Variants in CEMIP observed in about 807,000 individuals in gnomAD.
CEMIP encodes the protein cell migration-inducing and hyaluronan-binding protein.
Under a neutral mutation model 156.9 loss-of-function variants are expected in CEMIP, and 105 were observed. The observed-to-expected ratio is 0.67, with a 90% CI of 0.57 to 0.79. The LOEUF (loss-of-function observed/expected upper bound fraction) is 0.79, where lower values mean the gene tolerates loss of function less well. CEMIP is among the 30% of genes least tolerant of loss of function. CEMIP has a pLI of 0.00. For missense variants in CEMIP, 1,457 were observed against 1,769.4 expected (o/e 0.82, Z 3.17); for synonymous variants, 676 against 668.4 (o/e 1.01, Z -0.17).
At position 80,851,887 on chromosome 15, in the gene CEMIP, T is replaced by C. The variant is rs1391127846; in HGVS notation, c.-175-21651T>C. ...CAAGATTTGCCTTTGAGAAAGACTA[T>C]CCTGGCAGCAGTGTAGGCGATGGAC... On this transcript the variant is annotated intron_variant, in intron 1 of 29. Transcript: ENST00000394685. Among the ~76,000 whole-genome samples, 8 of 152,166 alleles carry C rather than the reference T, an allele frequency of 5.3e-5. No homozygotes were observed. In the East Asian group the frequency reaches 1.5e-3, roughly 29 times the overall value.
At chr15:80,781,002 G>C (rs557003098) in intron 1 of CEMIP, among the ~76,000 whole-genome samples, 15 of 152,194 alleles carry the variant, frequency 9.9e-5, no homozygotes, top group Admixed American at 9.2e-4. Context: ...CAGTTCTGCA[G>C]GACCTCCCGG....
At chr15:80,922,579 C>T (rs1391344632) in intron 17 of CEMIP, among the ~76,000 whole-genome samples, 6 of 152,226 alleles carry the variant, frequency 3.9e-5, no homozygotes, top group Non-Finnish European at 8.8e-5. Flanking sequence ...TTGGCATCCT[C>T]TCTGCTGTTC....
chr15:80,781,551 T>G (rs2141551959), intron 1 of CEMIP, among the ~76,000 whole-genome samples: 2 of 152,342 alleles, frequency 1.3e-5, no homozygotes, highest in Middle Eastern at 6.8e-3. Flanking sequence ...CCACCCATAC[T>G]GAAGTGTGTA....
At chr15:80,803,255 A>G (rs1355754614) in intron 1 of CEMIP, among the ~76,000 whole-genome samples, 6 of 152,138 alleles carry the variant, frequency 3.9e-5, no homozygotes, top group African/African-American at 9.7e-5. Flanking sequence ...CTGTCCCCTC[A>G]TATACAAGGA....
intron 12 of CEMIP, among the ~76,000 whole-genome samples, chr15:80,901,542 A>G (rs1450098500): frequency 6.6e-6 from 1 of 152,060 alleles, no homozygotes; most frequent in African/African-American, 2.4e-5. Flanking sequence ...TCTCTACTAA[A>G]AATACAAAAA....
chr15:80,849,433 C>G lies in CEMIP; in HGVS notation c.-175-24105C>G, dbSNP rs565871957. Among the ~76,000 whole-genome samples the G allele has an allele frequency of 3.9e-5, 6 of 152,296 alleles. No individual in the cohort carries two copies. The South Asian group carries it at 1.2e-3, about 32-fold the overall frequency. ...AGCTGGGAAATCTGCTCACCATTGC[C>G]TTGGCGAGGAGCCTACTCTCTACTC... On this transcript the variant is annotated intron_variant, in intron 1 of 29. Transcript: ENST00000394685.
At position 80,944,398 on chromosome 15, in the gene CEMIP, T is replaced by C. The variant is rs114144531; in HGVS notation, c.3857+1296T>C. Among the ~76,000 whole-genome samples, 527 of 152,346 alleles carry C rather than the reference T, an allele frequency of 3.5e-3. 3 individuals carry two copies. The highest frequency in any genetic ancestry group is 0.012 in the African/African-American group (498 of 41,578). Reference sequence around the variant, plus strand: ...TCTCAATGTTGGGGCCATGTCTAACTTCCCTTTGCATTTCTAGCACAGAAC... The same window carrying C: ...TCTCAATGTTGGGGCCATGTCTAACCTCCCTTTGCATTTCTAGCACAGAAC... On this transcript the variant is annotated intron_variant, in intron 28 of 29. Transcript: ENST00000394685.
At chr15:80,928,837 C>T (rs778376559) in intron 19 of CEMIP, 65 bp from the exon 20 acceptor site, 71 of 1,602,184 alleles carry the variant, frequency 4.4e-5, no homozygotes, top group Non-Finnish European at 5.8e-5. Flanking sequence ...GTGTCCTTCT[C>T]TCCACGACTC....
intron 18 of CEMIP, among the ~76,000 whole-genome samples, chr15:80,925,222 G>A (rs928187446): frequency 4.6e-5 from 7 of 152,214 alleles, no homozygotes; most frequent in Non-Finnish European, 7.3e-5. Context: ...AGTGCACTCC[G>A]TTTTGTAGCT....
At chr15:80,812,447 G>A (rs1049020237) in intron 1 of CEMIP, among the ~76,000 whole-genome samples, 1 of 152,240 alleles carries the variant, frequency 6.6e-6, no homozygotes, top group South Asian at 2.1e-4. Context: ...TAGCTCCACC[G>A]TTAGTCATTT....
chr15:80,904,261 C>T (rs1011285018), intron 12 of CEMIP, among the ~76,000 whole-genome samples: 2 of 152,150 alleles, frequency 1.3e-5, no homozygotes, highest in African/African-American at 4.8e-5. Context: ...TGTGGTGGCA[C>T]CCACCTGTAG....
At position 80,937,806 on chromosome 15, in the gene CEMIP, C is replaced by G. The variant is rs540849107; in HGVS notation, c.3234C>G (p.Ile1078Met). Residue 1078 changes from isoleucine (I) to methionine (M), a missense_variant, in exon 25 of 30, where the codon ATC (isoleucine) becomes ATG (methionine). By Grantham distance (10) the Ile-to-Met change is conservative. Transcript: ENST00000394685. ...CTTCCAATCCTAGGGGCGACTGGAT[C>G]CGAGTGGGGCTCTGCTACCCGCGAG... ...WLINFNKGDW[I>M]RVGLCYPRGT... 2.3e-5 allele frequency: 37 copies of G among 1,614,126 alleles called. No homozygotes were observed. Among genetic ancestry groups the G allele is most frequent in the Non-Finnish European group, 2.9e-5 (34 of 1,180,048 alleles).
chr15:80,925,518 T>G, intron 18 of CEMIP, 106 bp from the exon 19 acceptor site: 1 of 1,497,944 alleles, frequency 6.7e-7, no homozygotes, highest in Non-Finnish European at 9.1e-7. Flanking sequence ...AGTCAATGCC[T>G]TCCTGGGCAC....
chr15:80,848,823 G>T (rs1897629470), intron 1 of CEMIP, among the ~76,000 whole-genome samples: 1 of 150,676 alleles, frequency 6.6e-6, no homozygotes, highest in Non-Finnish European at 1.5e-5. Context: ...CACTCCAGAT[G>T]AATCTTTTCT....
rs754784643 is a variant in CEMIP, at chr15:80,881,087, A to G, written c.568A>G (p.Ile190Val). 3.7e-6 allele frequency: 6 copies of G among 1,614,192 alleles called. No individual in the cohort carries two copies. The highest frequency in any genetic ancestry group is 5.1e-6 in the Non-Finnish European group (6 of 1,180,032). The part of the protein sequence containing the change: ...FERSWGHRGV[I>V]VHVIDPKSGT... ...AAGGAGCTGGGGCCACCGTGGAGTT[A>G]TTGTTCATGTCATCGACCCCAAATC... The change falls in exon 6 of 30, where the codon ATT (isoleucine) becomes GTT (valine). Residue 190 changes from isoleucine (I) to valine (V), a missense_variant. By Grantham distance (29) the Ile-to-Val change is conservative. This residue lies in a region of CEMIP where 309 missense variants were observed against 340.8 expected (regional missense o/e 0.91). Transcript: ENST00000394685.
At chr15:80,922,440 G>A (rs941617701) in intron 17 of CEMIP, among the ~76,000 whole-genome samples, 2 of 152,244 alleles carry the variant, frequency 1.3e-5, no homozygotes, top group African/African-American at 4.8e-5. Flanking sequence ...TGGCCCCTGA[G>A]CTGGGCACCT....
At chr15:80,929,282 T>G (rs766169399) in intron 21 of CEMIP, 108 bp downstream of exon 21, 286 of 1,347,828 alleles carry the variant, frequency 2.1e-4, no homozygotes, top group Admixed American at 4.0e-4. Context: ...TATGAATTCT[T>G]CTACCAGCCA....
chr15:80,797,344 G>T (rs1047750945), intron 1 of CEMIP, among the ~76,000 whole-genome samples: 2 of 152,204 alleles, frequency 1.3e-5, no homozygotes, highest in African/African-American at 4.8e-5. Context: ...GTGTCCCGGT[G>T]CTTTGCCAGG....
rs147333760 is a variant in CEMIP at position 80,937,892 on chromosome 15, C to T, written c.3320C>T (p.Thr1107Met). ...HNRLLKQTSK[T>M]GVFVRTLQMD... Reference sequence around the variant, plus strand: ...CGCCTGCTGAAGCAAACGTCCAAGACGGGCGTCTTCGTGAGGACCTTGCAG... The same window carrying T: ...CGCCTGCTGAAGCAAACGTCCAAGATGGGCGTCTTCGTGAGGACCTTGCAG... Residue 1107 changes from threonine to methionine, a missense_variant, in exon 25 of 30, where the codon ACG becomes ATG. Thr to Met is a moderately conservative substitution (Grantham distance 81). Transcript: ENST00000394685. 256 of 1,614,204 alleles carry T rather than the reference C, an allele frequency of 1.6e-4. No homozygotes were observed. Among genetic ancestry groups the T allele is most frequent in the Non-Finnish European group, 2.0e-4 (238 of 1,180,022 alleles).
Sources: gnomAD v4.1 joint callset for allele counts (sites outside exome capture counted in the v4.1 genomes callset) on GRCh38, gnomAD v4.1.1 for gene constraint, gnomAD v4.1.1 regional missense constraint, MANE v1.5 for transcripts, NCBI Gene and HGNC (gene_info 2026-07-23, HGNC 2026-07-21) for gene names.